PTPRR: variants seen among roughly 807,000 people sequenced by gnomAD.
PTPRR encodes receptor-type tyrosine-protein phosphatase R.
In PTPRR, 38 loss-of-function variants were observed where a neutral mutation model predicts 77.2. The ratio of observed to expected loss-of-function variants is 0.49; its 90% confidence interval spans 0.38 to 0.65. PTPRR has a LOEUF of 0.65. Ranked by LOEUF, PTPRR falls within the 30% of genes least tolerant of loss-of-function variation. The pLI, the probability that PTPRR is intolerant of heterozygous loss-of-function variation, is 0.00. For missense variants in PTPRR, 744 were observed against 799.2 expected, an observed-to-expected ratio of 0.93 and a Z score of 0.83; for synonymous variants, 299 against 283.1, an observed-to-expected ratio of 1.06 and a Z score of -0.57.
intron 2 of PTPRR, among the ~76,000 whole-genome samples, chr12:70,765,802 C>T (rs1293404168): frequency 6.6e-6 from 1 of 152,166 alleles, no homozygotes; most frequent in Non-Finnish European, 1.5e-5. Context: ...GCCGGGTACT[C>T]CTCTGAGACA....
chr12:70,890,099 G>A (rs897986452), intron 2 of PTPRR, among the ~76,000 whole-genome samples: 13 of 152,092 alleles, frequency 8.5e-5, no homozygotes, highest in African/African-American at 2.9e-4. Context: ...TGAGGATCCA[G>A]TGACAAGAGC....
intron 8 of PTPRR, among the ~76,000 whole-genome samples, chr12:70,691,352 G>C (rs943709416): frequency 6.6e-6 from 1 of 152,048 alleles, no homozygotes; most frequent in Admixed American, 6.6e-5. Context: ...GGGACACAAC[G>C]TTCTGGTTTT....
chr12:70,729,975 TG>T (rs1194943316), intron 6 of PTPRR, among the ~76,000 whole-genome samples: 7 of 151,512 alleles, frequency 4.6e-5, no homozygotes, highest in Admixed American at 6.6e-5. Flanking sequence ...TTTATCCTCT[TG>T]GGGGGATACA....
chr12:70,801,484 T>G (rs1455086876), intron 2 of PTPRR, among the ~76,000 whole-genome samples: 1 of 152,246 alleles, frequency 6.6e-6, no homozygotes, highest in Non-Finnish European at 1.5e-5. Flanking sequence ...ATAATTTACT[T>G]TCTCTGCCTG....
At chr12:70,874,152 T>G (rs1565726579) in intron 2 of PTPRR, among the ~76,000 whole-genome samples, 1 of 152,190 alleles carries the variant, frequency 6.6e-6, no homozygotes, top group African/African-American at 2.4e-5. Flanking sequence ...AATATCAAGC[T>G]AAAATCATAA....
At chr12:70,797,283 CTT>C (rs1038597655) in intron 2 of PTPRR, among the ~76,000 whole-genome samples, 1 of 152,180 alleles carries the variant, frequency 6.6e-6, no homozygotes, top group Non-Finnish European at 1.5e-5. Flanking sequence ...TGTGAAAGCT[CTT>C]TTCTTCTCTT....
At chr12:70,718,280 T>C (rs1889108946) in intron 6 of PTPRR, among the ~76,000 whole-genome samples, 1 of 151,588 alleles carries the variant, frequency 6.6e-6, no homozygotes, top group Non-Finnish European at 1.5e-5. Flanking sequence ...TTTTTTTTTT[T>C]CTTGAGATGG....
intron 1 of PTPRR, among the ~76,000 whole-genome samples, chr12:70,912,472 G>A (rs1236570373): frequency 6.6e-6 from 1 of 151,726 alleles, no homozygotes; most frequent in African/African-American, 2.4e-5. Context: ...CTTTAGATCT[G>A]AAAAAAAGGA....
At chr12:70,915,241 C>T (rs1043249876) in intron 1 of PTPRR, among the ~76,000 whole-genome samples, 6 of 152,126 alleles carry the variant, frequency 3.9e-5, no homozygotes, top group Non-Finnish European at 7.4e-5. Flanking sequence ...ATTACAATAA[C>T]CTCTTTAATT....
At chr12:70,802,688 T>C (rs1246044601) in intron 2 of PTPRR, among the ~76,000 whole-genome samples, 2 of 152,204 alleles carry the variant, frequency 1.3e-5, no homozygotes, top group Admixed American at 6.5e-5. Flanking sequence ...TTGGAAGACC[T>C]GGGCTTCCAA....
intron 10 of PTPRR, among the ~76,000 whole-genome samples, chr12:70,678,618 G>A (rs1887537945): frequency 6.6e-6 from 1 of 151,790 alleles, no homozygotes; most frequent in South Asian, 2.1e-4. Context: ...ATTTATTTCT[G>A]CTTTGATCTT....
At chr12:70,694,573 G>C (rs1018246184) in intron 8 of PTPRR, among the ~76,000 whole-genome samples, 4 of 152,084 alleles carry the variant, frequency 2.6e-5, no homozygotes, top group African/African-American at 9.7e-5. Flanking sequence ...AATATTGCAT[G>C]TTCTCACTTA....
intron 1 of PTPRR, among the ~76,000 whole-genome samples, chr12:70,901,579 C>T (rs1334205560): frequency 6.6e-6 from 1 of 151,638 alleles, no homozygotes; most frequent in African/African-American, 2.4e-5. Flanking sequence ...AAACTGGATC[C>T]TCATCTCTCA....
At chr12:70,784,571 C>T (rs1891281945) in intron 2 of PTPRR, among the ~76,000 whole-genome samples, 1 of 152,228 alleles carries the variant, frequency 6.6e-6, no homozygotes, top group Non-Finnish European at 1.5e-5. Flanking sequence ...GGGGTTCTGT[C>T]TGCCTCCTCC....
chr12:70,892,282 C>A (rs775009255), intron 2 of PTPRR, among the ~76,000 whole-genome samples: 6 of 151,988 alleles, frequency 3.9e-5, no homozygotes, highest in Non-Finnish European at 8.8e-5. Flanking sequence ...ACCAGAGGAT[C>A]TTCAATAAGT....
rs187592537 is a variant in PTPRR at position 70,848,702 on chromosome 12, A to T, written c.357+43977T>A. Among the ~76,000 whole-genome samples, 58 of 152,352 alleles carry T rather than the reference A, an allele frequency of 3.8e-4. 1 individual carries two copies. Among genetic ancestry groups the T allele is most frequent in the Non-Finnish European group, 6.9e-4 (47 of 68,028 alleles). ...AGAATGCAGATGTACTTTAAATGCCATTTGGTTATACTAAAAATGTTTTGA... is the reference window on the plus strand; with the variant it reads ...AGAATGCAGATGTACTTTAAATGCCTTTTGGTTATACTAAAAATGTTTTGA... On this transcript the variant is annotated intron_variant, in intron 2 of 13. Coordinates refer to ENST00000283228, the MANE Select transcript of PTPRR (RefSeq NM_002849.4).
intron 5 of PTPRR, among the ~76,000 whole-genome samples, chr12:70,750,929 A>G (rs549843669): frequency 1.3e-5 from 2 of 149,354 alleles, no homozygotes; most frequent in Non-Finnish European, 3.0e-5. Flanking sequence ...TTGTAAAGAC[A>G]GGGTCTCACT....
At chr12:70,657,438 C>T (rs4294603) in intron 12 of PTPRR, among the ~76,000 whole-genome samples, 4,060 of 152,276 alleles carry the variant, frequency 0.027, 89 homozygotes, top group South Asian at 0.11. Flanking sequence ...GAAATGATGT[C>T]TGTCCTGGTG....
At chr12:70,678,926 C>A (rs756703149) in intron 10 of PTPRR, among the ~76,000 whole-genome samples, 6 of 152,158 alleles carry the variant, frequency 3.9e-5, no homozygotes, top group Non-Finnish European at 7.4e-5. Flanking sequence ...AAGTGATCTG[C>A]CTGCCTCGGC....
Sources: gnomAD v4.1 joint callset for allele counts (sites outside exome capture counted in the v4.1 genomes callset) on GRCh38, gnomAD v4.1.1 for gene constraint, MANE v1.5 for transcripts, NCBI Gene and HGNC (gene_info 2026-07-23, HGNC 2026-07-21) for gene names.